CFLAR: variants seen among roughly 807,000 people sequenced by gnomAD.
The protein encoded by CFLAR is CASP8 and FADD like apoptosis regulator, also known as CASP8 and FADD-like apoptosis regulator.
A neutral mutation model predicts 51.1 loss-of-function variants in CFLAR; 14 were observed. The ratio of observed to expected loss-of-function variants is 0.27; its 90% CI spans 0.18 to 0.43. The LOEUF (loss-of-function observed/expected upper bound fraction) is 0.43. CFLAR is among the 20% of genes least tolerant of loss of function. CFLAR has a pLI of 1.00. For missense variants in CFLAR, 390 were observed against 566.5 expected (o/e 0.69, Z 3.16); for synonymous variants, 210 against 211.6 (o/e 0.99, Z 0.06).
At chr2:201,137,166 G>A in intron 4 of CFLAR, 1 of 191,062 alleles carries the variant, frequency 5.2e-6, no homozygotes, top group East Asian at 1.4e-4. Context: ...GGGACAGGGA[G>A]GTGCCCTATA....
rs1418154565 is a variant in CFLAR, at chr2:201,175,225, C to G, written c.*11252C>G. ...TTCCTTTACTTTCTTAATGAACTTG[C>G]TTTCACTTTATTCTGTCAGCATGCT... On this transcript the variant is annotated 3_prime_UTR_variant, in exon 10 of 10. Coordinates refer to ENST00000309955, the MANE Select transcript of CFLAR (RefSeq NM_003879.7). The G allele has an allele frequency of 6.6e-6, 1 of 152,228 alleles. No individual in the cohort carries two copies. Among genetic ancestry groups the G allele is most frequent in the Non-Finnish European group, 1.5e-5 (1 of 68,060 alleles). 9.4% of individuals were successfully genotyped at this position (152,228 alleles called of 1,614,324 possible). A position where few individuals can be genotyped will look rare whatever the true frequency, so the allele number is the denominator to read the frequency against.
At chr2:201,126,178 T>C (rs1218323454) in intron 1 of CFLAR, among the ~76,000 whole-genome samples, 2 of 151,478 alleles carry the variant, frequency 1.3e-5, no homozygotes, top group East Asian at 3.9e-4. Context: ...TTTTATACTT[T>C]GGTTTAGAAA....
chr2:201,147,965 G>A (rs1940564031), intron 6 of CFLAR: 1 of 152,198 alleles, frequency 6.6e-6, no homozygotes, highest in Admixed American at 6.5e-5. Flanking sequence ...ATTTGATGAG[G>A]ATGGTGATAA....
At chr2:201,162,850 A>C in intron 9 of CFLAR, 1 of 560,418 alleles carries the variant, frequency 1.8e-6, no homozygotes, top group African/African-American at 1.9e-5. Context: ...GCATCAGTTT[A>C]ATGTATGCAC....
chr2:201,134,640 T>TTAAAATAAAA (rs60192551), intron 3 of CFLAR, among the ~76,000 whole-genome samples: 14,686 of 142,802 alleles, frequency 0.1, 961 homozygotes, highest in African/African-American at 0.16. Context: ...ATCTCAAAAA[T>TTAAAATAAAA]TAAAATAAAA....
intron 1 of CFLAR, among the ~76,000 whole-genome samples, chr2:201,125,706 G>A (rs370841895): frequency 1.6e-4 from 25 of 152,206 alleles, no homozygotes; most frequent in African/African-American, 5.3e-4. Flanking sequence ...AAGGGTGTGG[G>A]AAAGGAGCTG....
intron 8 of CFLAR, among the ~76,000 whole-genome samples, chr2:201,157,166 T>C (rs577643624): frequency 6.6e-6 from 1 of 152,336 alleles, no homozygotes; most frequent in South Asian, 2.1e-4. Context: ...ACCTTTTTTC[T>C]GAGACAGAGT....
chr2:201,126,347 C>T (rs956226627), intron 1 of CFLAR, among the ~76,000 whole-genome samples: 7 of 152,244 alleles, frequency 4.6e-5, no homozygotes, highest in Admixed American at 2.0e-4. Context: ...ATCAATCTGA[C>T]GAATTCCTGA....
chr2:201,130,187 G>GGGGGGGCA, intron 2 of CFLAR, 41 bp downstream of exon 2: 4 of 292,390 alleles, frequency 1.4e-5, no homozygotes, highest in East Asian at 9.3e-5. Flanking sequence ...GGGTGGGAGG[G>GGGGGGGCA]AGTGAAGTGT....
intron 2 of CFLAR, among the ~76,000 whole-genome samples, chr2:201,130,567 T>C (rs2049197157): frequency 1.3e-5 from 2 of 151,940 alleles, no homozygotes; most frequent in African/African-American, 2.4e-5. Context: ...GGTTTCACCA[T>C]GTTGGCCAGG....
In CFLAR at chr2:201,167,229, C is replaced by T. The variant is rs1459580249; in HGVS notation, c.*3256C>T. The T allele has an allele frequency of 6.6e-6, 1 of 152,032 alleles. No homozygotes were observed. The highest frequency in any genetic ancestry group is 1.5e-5 in the Non-Finnish European group (1 of 68,012). 9.4% of individuals were successfully genotyped at this position (152,032 alleles called of 1,614,324 possible). On this transcript the variant is annotated 3_prime_UTR_variant, in exon 10 of 10. Coordinates refer to ENST00000309955, the MANE Select transcript of CFLAR (RefSeq NM_003879.7). ...CCTACTTTCCAAGTTATTTTGATGC[C>T]ATGGTGGCTCATACCTATAATCTGA... is the stretch of plus-strand genomic sequence containing the variant.
chr2:201,117,029 T>G (rs1378004599), intron 1 of CFLAR: 1 of 152,196 alleles, frequency 6.6e-6, no homozygotes, highest in African/African-American at 2.4e-5. Context: ...TGAGAAGATC[T>G]GGCATTTTTC....
intron 8 of CFLAR, chr2:201,153,380 A>G (rs1383876119): frequency 6.6e-6 from 1 of 152,206 alleles, no homozygotes; most frequent in East Asian, 1.9e-4. Context: ...CTCTCCTCAC[A>G]CCATCTCCCT....
At chr2:201,155,263 G>A (rs535667105) in intron 8 of CFLAR, among the ~76,000 whole-genome samples, 9 of 151,716 alleles carry the variant, frequency 5.9e-5, no homozygotes, top group Admixed American at 1.3e-4. Flanking sequence ...ATTTTAAGAG[G>A]AAGTTTTTTT....
intron 4 of CFLAR, chr2:201,137,285 G>A (rs536727513): frequency 1.6e-5 from 4 of 256,426 alleles, no homozygotes; most frequent in South Asian, 1.3e-4. Context: ...AGCTGCCTGG[G>A]TTCAGGGGGG....
chr2:201,146,877 C>T (rs1449913186), intron 6 of CFLAR: 1 of 152,200 alleles, frequency 6.6e-6, no homozygotes, highest in Non-Finnish European at 1.5e-5. Context: ...CTTATTTTGC[C>T]CGGATTAGTC....
chr2:201,154,146 C>T, intron 8 of CFLAR: 1 of 289,276 alleles, frequency 3.5e-6, no homozygotes. Context: ...GGTTGGAGTG[C>T]AATGGCGCAA....
At chr2:201,158,350 C>T (rs1306697017) in intron 8 of CFLAR, among the ~76,000 whole-genome samples, 1 of 152,208 alleles carries the variant, frequency 6.6e-6, no homozygotes, top group Non-Finnish European at 1.5e-5. Flanking sequence ...TTGTTCTGTC[C>T]AAGCCTTACA....
At chr2:201,133,321 A>T in intron 3 of CFLAR, among the ~76,000 whole-genome samples, 187 bp downstream of exon 3, 1 of 152,108 alleles carries the variant, frequency 6.6e-6, no homozygotes, top group Non-Finnish European at 1.5e-5. Context: ...TAGGATTATA[A>T]CATCTTCTGG....
Sources: allele counts gnomAD v4.1 joint callset (sites outside exome capture counted in the v4.1 genomes callset), GRCh38; gene constraint gnomAD v4.1.1; transcripts MANE v1.5; gene names NCBI Gene and HGNC (gene_info 2026-07-23, HGNC 2026-07-21).